The following ABTB3 variants were observed in gnomAD, a reference collection of about 807,000 sequenced individuals.
ABTB3 encodes ankyrin repeat- and BTB/POZ domain-containing protein 3.
At chr12:107,560,424 CT>C in the ABTB3 span, among the ~76,000 whole-genome samples, 1 of 152,110 alleles carries the variant, frequency 6.6e-6, no homozygotes. Flanking sequence ...CCAGCTGTTG[CT>C]TTTTTTCCAG....
At chr12:107,520,517 T>G in the ABTB3 span, 6 of 1,614,094 alleles carry the variant, frequency 3.7e-6, no homozygotes, top group African/African-American at 5.3e-5. Context: ...AGCCTGAATC[T>G]TCACAGAGAC....
chr12:107,469,861 CTTTCT>C, the ABTB3 span, among the ~76,000 whole-genome samples: 36 of 143,628 alleles, frequency 2.5e-4, no homozygotes, highest in African/African-American at 6.5e-4. Context: ...CTCTTTCTTT[CTTTCT>C]TTTCTTTCTT....
At chr12:107,339,004 T>G in the ABTB3 span, among the ~76,000 whole-genome samples, 1 of 152,190 alleles carries the variant, frequency 6.6e-6, no homozygotes, top group Non-Finnish European at 1.5e-5. Context: ...CAGAGCATTT[T>G]GATTTAGACC....
At chr12:107,424,074 C>T in the ABTB3 span, among the ~76,000 whole-genome samples, 1 of 152,204 alleles carries the variant, frequency 6.6e-6, no homozygotes, top group African/African-American at 2.4e-5. Flanking sequence ...TGGGAGGACT[C>T]AGCTAATGCC....
chr12:107,581,085 C>T, the ABTB3 span: 1 of 1,544,466 alleles, frequency 6.5e-7, no homozygotes. Context: ...GGGGTGGGGC[C>T]AAGCCGGCAG....
chr12:107,610,346 G>C, the ABTB3 span: 1 of 1,614,134 alleles, frequency 6.2e-7, no homozygotes, highest in South Asian at 1.1e-5. Flanking sequence ...TCAACACCAT[G>C]AGCGAACAGG....
the ABTB3 span, among the ~76,000 whole-genome samples, chr12:107,365,458 C>G: frequency 1.3e-4 from 20 of 152,232 alleles, no homozygotes; most frequent in Non-Finnish European, 2.2e-4. Flanking sequence ...TCTCTATCAA[C>G]TTCATAATGA....
chr12:107,546,833 C>T, the ABTB3 span, among the ~76,000 whole-genome samples: 186 of 152,248 alleles, frequency 1.2e-3, 2 homozygotes, highest in African/African-American at 3.9e-3. Context: ...CTACTGCACT[C>T]CAGCCTAGGT....
At chr12:107,498,237 GAA>G in the ABTB3 span, among the ~76,000 whole-genome samples, 2 of 152,230 alleles carry the variant, frequency 1.3e-5, no homozygotes, top group African/African-American at 4.8e-5. Flanking sequence ...CCAGAGGGGA[GAA>G]AAGGCAAAGG....
chr12:107,525,590 G>T, the ABTB3 span, among the ~76,000 whole-genome samples: 1 of 152,054 alleles, frequency 6.6e-6, no homozygotes, highest in Admixed American at 6.6e-5. Flanking sequence ...TATGATGTTC[G>T]TCCAACAATG....
At chr12:107,610,451 C>A in the ABTB3 span, 2 of 1,439,630 alleles carry the variant, frequency 1.4e-6, no homozygotes, top group Non-Finnish European at 1.9e-6. Flanking sequence ...TCTGCAGGCG[C>A]TGGGCAGAGG....
At chr12:107,416,429 G>T in the ABTB3 span, among the ~76,000 whole-genome samples, 1 of 152,116 alleles carries the variant, frequency 6.6e-6, no homozygotes, top group Admixed American at 6.6e-5. Context: ...TGAGGGGGTG[G>T]GGGGAAAGCA....
At chr12:107,421,781 A>G in the ABTB3 span, among the ~76,000 whole-genome samples, 1 of 152,172 alleles carries the variant, frequency 6.6e-6, no homozygotes, top group Non-Finnish European at 1.5e-5. Context: ...CATGGATCTC[A>G]TCCAATCTCT....
chr12:107,372,673 A>T, the ABTB3 span, among the ~76,000 whole-genome samples: 1 of 152,114 alleles, frequency 6.6e-6, no homozygotes, highest in South Asian at 2.1e-4. Context: ...AGCCTCTATC[A>T]CACCTGGCAG....
At chr12:107,327,746 C>T in the ABTB3 span, among the ~76,000 whole-genome samples, 181 of 152,310 alleles carry the variant, frequency 1.2e-3, no homozygotes, top group African/African-American at 4.0e-3. Flanking sequence ...AAGCAGCCCA[C>T]TTCTGGAACT....
the ABTB3 span, among the ~76,000 whole-genome samples, chr12:107,566,241 T>C: frequency 6.6e-6 from 1 of 152,310 alleles, no homozygotes; most frequent in South Asian, 2.1e-4. Flanking sequence ...CTTTTTTATT[T>C]TTCTTTTTAC....
At chr12:107,503,814 A>T in the ABTB3 span, among the ~76,000 whole-genome samples, 1 of 151,832 alleles carries the variant, frequency 6.6e-6, no homozygotes, top group Non-Finnish European at 1.5e-5. Context: ...GAACTGGTTA[A>T]TACAGTGGGG....
chr12:107,653,287 C>T, the ABTB3 span, among the ~76,000 whole-genome samples: 1 of 152,114 alleles, frequency 6.6e-6, no homozygotes, highest in Non-Finnish European at 1.5e-5. Context: ...CAGGCCAAGG[C>T]AGGTGGATCA....
At chr12:107,462,403 A>G in the ABTB3 span, among the ~76,000 whole-genome samples, 1 of 152,232 alleles carries the variant, frequency 6.6e-6, no homozygotes, top group Non-Finnish European at 1.5e-5. Context: ...GTCAGTAAGT[A>G]GATTTGTGGA....
Sources: gnomAD v4.1 joint callset for allele counts (sites outside exome capture counted in the v4.1 genomes callset) on GRCh38, gnomAD v4.1.1 for gene constraint, MANE v1.5 for transcripts, NCBI Gene and HGNC (gene_info 2026-07-23, HGNC 2026-07-21) for gene names.